Variants in SLC13A3 observed in about 807,000 individuals in gnomAD.
SLC13A3 encodes the protein solute carrier family 13 member 3.
In SLC13A3, 40 loss-of-function variants were observed where a neutral mutation model predicts 59.0. The ratio of observed to expected loss-of-function variants is 0.68; its 90% CI spans 0.53 to 0.88. The LOEUF (loss-of-function observed/expected upper bound fraction) is 0.88. Among genes scored for constraint, SLC13A3 ranks in the 40% least tolerant of loss-of-function variants. The pLI is 0.00. For synonymous variants in SLC13A3, 317 were observed against 330.3 expected (o/e 0.96, Z 0.44); for missense variants, 699 against 783.2 (o/e 0.89, Z 1.28).
At chr20:46,646,466 AC>A (rs1214238453) in intron 1 of SLC13A3, among the ~76,000 whole-genome samples, 4 of 152,204 alleles carry the variant, frequency 2.6e-5, no homozygotes, top group Non-Finnish European at 4.4e-5. Context: ...ATAAACTCCC[AC>A]TATATGCTGA....
In SLC13A3 at chr20:46,571,055, A is replaced by G. The variant is rs1401201247; in HGVS notation, c.1332+4518T>C. 2.6e-5 allele frequency among the ~76,000 whole-genome samples: 4 copies of G among 152,204 alleles called. No homozygotes were observed. In the East Asian group the frequency reaches 5.8e-4, roughly 22 times the overall value. On this transcript the variant is annotated intron_variant, in intron 10 of 12. Transcript: ENST00000279027. ...TGGAAGCAAACACGTCCTTCTTCAC[A>G]TGGTGGCAGCAAGAAGTGCCGAGCA... is the stretch of plus-strand genomic sequence containing the variant.
intron 1 of SLC13A3, among the ~76,000 whole-genome samples, chr20:46,644,467 C>T (rs1036257551): frequency 1.3e-5 from 2 of 152,006 alleles, no homozygotes; most frequent in Non-Finnish European, 2.9e-5. Context: ...TTCAAAGATC[C>T]CAACCAGAAA....
Position 46,630,681 on chromosome 20 carries a change from C to T in SLC13A3, c.112-16956G>A, listed in dbSNP as rs569134094. 5.3e-5 allele frequency among the ~76,000 whole-genome samples: 8 copies of T among 152,320 alleles called. No individual in the cohort carries two copies. The South Asian group carries it at 1.7e-3, about 32-fold the overall frequency. On this transcript the variant is annotated intron_variant, in intron 1 of 12. Coordinates refer to ENST00000279027, the MANE Select transcript of SLC13A3 (RefSeq NM_022829.6). ...AAGTCTTTGTTCTACTAACTTAAACCATAAGTGCCTCCCACCTAGTAATTC... is the reference window on the plus strand; with the variant it reads ...AAGTCTTTGTTCTACTAACTTAAACTATAAGTGCCTCCCACCTAGTAATTC...
chr20:46,576,523 C>G (rs1016082794), intron 9 of SLC13A3, among the ~76,000 whole-genome samples: 2 of 152,140 alleles, frequency 1.3e-5, no homozygotes, highest in African/African-American at 4.8e-5. Context: ...CGAACCAGGA[C>G]AATGATGCAT....
chr20:46,600,225 G>A (rs1468790355), intron 3 of SLC13A3, among the ~76,000 whole-genome samples, 188 bp from the exon 4 acceptor site: 12 of 137,188 alleles, frequency 8.7e-5, no homozygotes, highest in Non-Finnish European at 1.3e-4. Context: ...GGAGAGAGGG[G>A]GAGGGAGGGA....
At chr20:46,632,519 G>A (rs2062750191) in intron 1 of SLC13A3, among the ~76,000 whole-genome samples, 2 of 151,948 alleles carry the variant, frequency 1.3e-5, no homozygotes, top group East Asian at 3.9e-4. Context: ...CAGGGAGCTG[G>A]GACCTGGGGG....
chr20:46,621,548 T>G (rs565346166), intron 1 of SLC13A3, among the ~76,000 whole-genome samples: 1 of 152,318 alleles, frequency 6.6e-6, no homozygotes, highest in African/African-American at 2.4e-5. Flanking sequence ...TTAATTCCAT[T>G]TTTTCATGAA....
In SLC13A3 at chr20:46,583,719, C is replaced by A. The variant is rs777709085; in HGVS notation, c.1122-50G>T. On this transcript the variant is annotated intron_variant, in intron 8 of 12. Transcript: ENST00000279027. ...CGTGACCATGGGCATCTCAGCGGGC[C>A]GAGGTTTGGCAGAATTGTAAAGGAG... The A allele has an allele frequency of 3.7e-6, 6 of 1,608,022 alleles. No individual in the cohort carries two copies. In the Admixed American group the frequency reaches 1.0e-4, roughly 27 times the overall value.
chr20:46,682,876 G>A lies in SLC13A3; in HGVS notation c.-31+1520C>T, dbSNP rs142884999. Among the ~76,000 whole-genome samples, 441 of 152,258 alleles carry A rather than the reference G, an allele frequency of 2.9e-3. 6 individuals are homozygous for A. The highest frequency in any genetic ancestry group is 4.4e-3 in the East Asian group (23 of 5,180). Reference sequence around the variant, plus strand: ...CACTGCAAAGCACCTGCAGCTCCCCGGTGGACGTCAAGGGATCTGAAAGTG... The same window carrying A: ...CACTGCAAAGCACCTGCAGCTCCCCAGTGGACGTCAAGGGATCTGAAAGTG... On this transcript the variant is annotated intron_variant, in intron 1 of 6. Coordinates refer to the SLC13A3 transcript ENST00000372121.
chr20:46,580,842 C>T (rs1039839933), intron 9 of SLC13A3, among the ~76,000 whole-genome samples: 1 of 152,166 alleles, frequency 6.6e-6, no homozygotes, highest in Non-Finnish European at 1.5e-5. Flanking sequence ...ACCAGTATAC[C>T]ATGTCAATCT....
intron 8 of SLC13A3, 28 bp downstream of exon 8, chr20:46,588,031 T>C: frequency 7.1e-7 from 1 of 1,409,788 alleles, no homozygotes; most frequent in South Asian, 1.3e-5. Flanking sequence ...CCTGTTGGAC[T>C]CCTCCCTGTG....
intron 4 of SLC13A3, among the ~76,000 whole-genome samples, chr20:46,597,577 T>C (rs1469767119): frequency 4.6e-5 from 7 of 152,110 alleles, no homozygotes; most frequent in East Asian, 1.9e-4. Flanking sequence ...ACTGAGATTA[T>C]AGGTGCCCAC....
intron 8 of SLC13A3, chr20:46,584,147 C>T (rs1312147148): frequency 1.0e-6 from 1 of 985,250 alleles, no homozygotes; most frequent in African/African-American, 1.7e-5. Context: ...CAAAACCTAA[C>T]TGTCACGTTT....
chr20:46,656,833 C>T (rs2062997417), intron 1 of SLC13A3, among the ~76,000 whole-genome samples: 1 of 152,056 alleles, frequency 6.6e-6, no homozygotes, highest in Non-Finnish European at 1.5e-5. Flanking sequence ...CTGTTGTTCA[C>T]AGTGGGTAAT....
At chr20:46,617,421 C>A (rs555600721) in intron 1 of SLC13A3, among the ~76,000 whole-genome samples, 24 of 152,158 alleles carry the variant, frequency 1.6e-4, no homozygotes, top group Non-Finnish European at 3.4e-4. Context: ...GCCAGGAGTT[C>A]AAGTCCAGCC....
intron 10 of SLC13A3, among the ~76,000 whole-genome samples, chr20:46,570,008 A>G (rs2062016542): frequency 6.6e-6 from 1 of 152,220 alleles, no homozygotes. Flanking sequence ...TGTGCATACA[A>G]CTTTGTATAA....
At chr20:46,657,328 G>A (rs371405362) in intron 1 of SLC13A3, among the ~76,000 whole-genome samples, 48 of 150,540 alleles carry the variant, frequency 3.2e-4, no homozygotes, top group African/African-American at 1.1e-3. Context: ...AGCCGAGATC[G>A]CACCACTGCA....
At chr20:46,604,335 T>C (rs2062414334) in intron 3 of SLC13A3, among the ~76,000 whole-genome samples, 1 of 152,216 alleles carries the variant, frequency 6.6e-6, no homozygotes, top group Non-Finnish European at 1.5e-5. Flanking sequence ...GCTCATGGCA[T>C]GTGTGCCCCG....
At chr20:46,601,180 C>T (rs978908182) in intron 3 of SLC13A3, among the ~76,000 whole-genome samples, 2 of 152,006 alleles carry the variant, frequency 1.3e-5, no homozygotes, top group South Asian at 2.1e-4. Flanking sequence ...AAGGGGACCC[C>T]CTGCAGGATT....
Sources: gnomAD v4.1 joint callset for allele counts (sites outside exome capture counted in the v4.1 genomes callset) on GRCh38, gnomAD v4.1.1 for gene constraint, MANE v1.5 for transcripts, NCBI Gene and HGNC (gene_info 2026-07-23, HGNC 2026-07-21) for gene names.